Variants in PPA2 observed in about 807,000 individuals in gnomAD.
PPA2 encodes inorganic pyrophosphatase 2, mitochondrial.
A neutral mutation model predicts 49.5 loss-of-function variants in PPA2; 48 were observed. The observed-to-expected ratio is 0.97, with a 90% CI of 0.77 to 1.23. PPA2 has a LOEUF of 1.23. PPA2 is among the 50% of genes most tolerant of loss of function. The pLI is 0.00. For missense variants in PPA2, 429 were observed against 410.1 expected (o/e 1.05, Z -0.40); for synonymous variants, 131 against 139.9 (o/e 0.94, Z 0.45).
chr4:105,440,581 A>T (rs1284786881), intron 5 of PPA2, among the ~76,000 whole-genome samples: 1 of 152,180 alleles, frequency 6.6e-6, no homozygotes, highest in East Asian at 1.9e-4. Context: ...CTTTAGACAC[A>T]TTCTAGCCCT....
intron 7 of PPA2, among the ~76,000 whole-genome samples, chr4:105,418,783 C>T (rs138111859): frequency 6.6e-6 from 1 of 152,262 alleles, no homozygotes; most frequent in East Asian, 1.9e-4. Context: ...GCATCTAGGC[C>T]TAAATTAGCT....
intron 1 of PPA2, among the ~76,000 whole-genome samples, chr4:105,463,329 A>T (rs1723170326): frequency 6.6e-6 from 1 of 152,178 alleles, no homozygotes; most frequent in Admixed American, 6.5e-5. Flanking sequence ...GGAACTTTGA[A>T]CTTGAGAGAG....
chr4:105,414,954 C>T (rs995968994), intron 7 of PPA2, among the ~76,000 whole-genome samples: 12 of 152,128 alleles, frequency 7.9e-5, no homozygotes, highest in South Asian at 2.1e-4. Context: ...CTGAGGCCCA[C>T]TGAGACTACA....
Position 105,473,933 on chromosome 4 carries a change from G to C in PPA2, c.118C>G (p.Arg40Gly). 1 of 1,608,002 alleles carries C rather than the reference G, an allele frequency of 6.2e-7. No homozygotes were observed. The highest frequency in any genetic ancestry group is 8.5e-7 in the Non-Finnish European group (1 of 1,176,206). Residue 40 changes from arginine to glycine, a missense_variant, in exon 1 of 12, where the codon CGC becomes GGC. Physicochemically the swap from Arg to Gly is moderately radical, Grantham distance 125. Coordinates refer to ENST00000341695, the MANE Select transcript of PPA2 (RefSeq NM_176869.3). Reference protein sequence around the residue: ...RAMALYHTEERGQPCSQNYRL... With the variant: ...RAMALYHTEEGGQPCSQNYRL... ...TAATTCTGCGAGCAGGGCTGGCCGC[G>C]CTCCTCAGTGTGGTACAGGGCCATA...
chr4:105,474,003 C>T lies in PPA2; in HGVS notation c.48G>A (p.Ala16=), dbSNP rs770985368. 2 of 1,605,842 alleles carry T rather than the reference C, an allele frequency of 1.2e-6. No homozygotes were observed. The highest frequency in any genetic ancestry group is 2.2e-5 in the South Asian group (2 of 90,240). The change falls in exon 1 of 12, where the codon GCG becomes GCA. Residue 16 remains alanine, a synonymous_variant. Transcript: ENST00000341695. The part of the protein sequence containing the change: ...RLLRTGAPAA[A]CLRLGTSAGT... ...CTGCACTGGTCCCCAACCGCAGGCA[C>T]GCAGCGGCTGGGGCACCCGTGCGCA...
chr4:105,393,598 G>A (rs957626363), intron 9 of PPA2, among the ~76,000 whole-genome samples: 1 of 148,156 alleles, frequency 6.7e-6, no homozygotes, highest in Non-Finnish European at 1.5e-5. Context: ...AAACATATAC[G>A]TTTAGATTCT....
intron 2 of PPA2, among the ~76,000 whole-genome samples, chr4:105,454,447 C>T (rs2110314022): frequency 6.6e-6 from 1 of 152,172 alleles, no homozygotes; most frequent in South Asian, 2.1e-4. Flanking sequence ...TCTCCTGCCT[C>T]AGCCTCCCGA....
chr4:105,413,759 C>T (rs891946969), intron 7 of PPA2, among the ~76,000 whole-genome samples: 2 of 152,030 alleles, frequency 1.3e-5, no homozygotes, highest in Middle Eastern at 3.4e-3. Flanking sequence ...ATTCAAGACT[C>T]GATTGTAAAG....
chr4:105,437,688 A>G (rs1417007888), intron 6 of PPA2, among the ~76,000 whole-genome samples: 1 of 152,242 alleles, frequency 6.6e-6, no homozygotes. Context: ...GTGTAAAAGC[A>G]GTCATAGACA....
chr4:105,398,969 T>C (rs774903708), intron 8 of PPA2, 68 bp downstream of exon 8: 31 of 1,530,998 alleles, frequency 2.0e-5, no homozygotes, highest in Non-Finnish European at 2.7e-5. Flanking sequence ...ATAAGAAACT[T>C]CCCAAGTGAA....
At chr4:105,382,483 A>T (rs1278663762) in intron 10 of PPA2, among the ~76,000 whole-genome samples, 1 of 152,170 alleles carries the variant, frequency 6.6e-6, no homozygotes, top group East Asian at 1.9e-4. Context: ...GTCTTTAAAG[A>T]CTATCAACTA....
At chr4:105,380,644 C>T (rs1733450357) in intron 10 of PPA2, among the ~76,000 whole-genome samples, 1 of 152,084 alleles carries the variant, frequency 6.6e-6, no homozygotes, top group Non-Finnish European at 1.5e-5. Context: ...CATATTTACT[C>T]CCCTCCCTTC....
At chr4:105,388,552 C>G (rs185004428) in intron 9 of PPA2, among the ~76,000 whole-genome samples, 118 of 152,224 alleles carry the variant, frequency 7.8e-4, no homozygotes, top group African/African-American at 2.8e-3. Flanking sequence ...CGGTTGGGTG[C>G]AGTGGCTCAC....
intron 7 of PPA2, among the ~76,000 whole-genome samples, chr4:105,410,546 T>A (rs1722703791): frequency 6.6e-6 from 1 of 152,196 alleles, no homozygotes; most frequent in South Asian, 2.1e-4. Context: ...AACATTCAAA[T>A]TCAGGAAATA....
intron 9 of PPA2, among the ~76,000 whole-genome samples, chr4:105,392,503 T>C (rs1426991927): frequency 3.3e-5 from 5 of 151,932 alleles, no homozygotes; most frequent in African/African-American, 1.2e-4. Flanking sequence ...TGAAACCTCG[T>C]CTCTACTAAA....
rs765014549 is a variant in PPA2, at chr4:105,453,538, T to C, written c.267+60A>G. On this transcript the variant is annotated intron_variant, in intron 3 of 11. Coordinates refer to ENST00000341695, the MANE Select transcript of PPA2 (RefSeq NM_176869.3). The stretch of plus-strand genomic sequence containing the variant: ...ATCATTTTACAAATGCAAACTATCA[T>C]CAAGGTATTTAACAGACAATATAAA... The C allele has an allele frequency of 3.9e-5, 49 of 1,243,774 alleles. No homozygotes were observed. In the Admixed American group the frequency reaches 8.7e-4, roughly 22 times the overall value. The allele number at this position is 1,243,774 out of a possible 1,614,324, so 77.0% of individuals were successfully genotyped here.
In PPA2 at chr4:105,418,831, G is replaced by C. The variant is rs181873868; in HGVS notation, c.655+5365C>G. On this transcript the variant is annotated intron_variant, in intron 7 of 11. Coordinates refer to ENST00000341695, the MANE Select transcript of PPA2 (RefSeq NM_176869.3). ...AGTTCTCCTGACATAAGGTCCTTAG[G>C]CATCAGTGGCAGTTCTGAAGAGGCA... Among the ~76,000 whole-genome samples the C allele has an allele frequency of 7.2e-5, 11 of 152,274 alleles. No homozygotes were observed. In the East Asian group the frequency reaches 1.9e-3, roughly 27 times the overall value.
intron 1 of PPA2, among the ~76,000 whole-genome samples, chr4:105,472,426 TTTA>T (rs1387622139): frequency 1.3e-5 from 2 of 152,224 alleles, no homozygotes; most frequent in East Asian, 1.9e-4. Flanking sequence ...TTCATAAATA[TTTA>T]TTATTTGGGT....
At chr4:105,440,683 T>C (rs1325389578) in intron 5 of PPA2, among the ~76,000 whole-genome samples, 1 of 151,882 alleles carries the variant, frequency 6.6e-6, no homozygotes. Context: ...CTTATGACAA[T>C]TTTGATGAGC....
Sources: allele counts gnomAD v4.1 joint callset (sites outside exome capture counted in the v4.1 genomes callset), GRCh38; gene constraint gnomAD v4.1.1; transcripts MANE v1.5; gene names NCBI Gene and HGNC (gene_info 2026-07-23, HGNC 2026-07-21).